Variants in CPQ observed in about 807,000 individuals in gnomAD.
The protein encoded by CPQ is Ser-Met dipeptidase.
Under a neutral mutation model 45.7 loss-of-function variants are expected in CPQ, and 37 were observed. The observed-to-expected ratio is 0.81, with a 90% CI of 0.62 to 1.07. The LOEUF is 1.07. Ranked by LOEUF, CPQ falls within the 50% of genes least tolerant of loss-of-function variation. CPQ has a pLI of 0.00. For synonymous variants in CPQ, 186 were observed against 205.8 expected, an observed-to-expected ratio of 0.90 and a Z score of 0.82; for missense variants, 537 against 572.9, an observed-to-expected ratio of 0.94 and a Z score of 0.64.
At chr8:96,905,741 A>T (rs1812567051) in intron 4 of CPQ, among the ~76,000 whole-genome samples, 1 of 151,252 alleles carries the variant, frequency 6.6e-6, no homozygotes, top group Admixed American at 6.6e-5. Flanking sequence ...TTTGAAAATA[A>T]ATTCAGCCCT....
At chr8:96,879,285 A>G (rs1812188970) in intron 3 of CPQ, among the ~76,000 whole-genome samples, 6 of 152,186 alleles carry the variant, frequency 3.9e-5, no homozygotes, top group Admixed American at 2.6e-4. Context: ...ATTGTTCTAC[A>G]CTTTTCCTGC....
chr8:97,089,953 G>A (rs1317476143), intron 7 of CPQ, among the ~76,000 whole-genome samples: 1 of 152,142 alleles, frequency 6.6e-6, no homozygotes, highest in Non-Finnish European at 1.5e-5. Context: ...GCTAAGAAGG[G>A]CATCTGGGAA....
chr8:96,994,069 A>T (rs903240213), intron 5 of CPQ, among the ~76,000 whole-genome samples: 1 of 152,100 alleles, frequency 6.6e-6, no homozygotes, highest in Non-Finnish European at 1.5e-5. Context: ...CCTTGGAGCT[A>T]TATGTTGAAA....
In CPQ at chr8:96,749,106, C is replaced by T. The variant is rs1008105918; in HGVS notation, c.-34-35758C>T. The stretch of plus-strand genomic sequence containing the variant: ...TTCTGTTTATCTCCTCTCTTCCTCT[C>T]TTGCCTCTATGGGTCCTGGCACAAA... On this transcript the variant is annotated intron_variant, in intron 1 of 7. Transcript: ENST00000220763. 8.5e-5 allele frequency among the ~76,000 whole-genome samples: 13 copies of T among 152,266 alleles called. No homozygotes were observed. In the South Asian group the frequency reaches 2.3e-3, roughly 27 times the overall value.
chr8:96,741,740 G>T (rs1265413474), intron 1 of CPQ, among the ~76,000 whole-genome samples: 1 of 151,898 alleles, frequency 6.6e-6, no homozygotes, highest in Non-Finnish European at 1.5e-5. Context: ...GTACCCAGTA[G>T]TCATTCAGGA....
chr8:97,140,860 A>G (rs962962611), intron 7 of CPQ, among the ~76,000 whole-genome samples: 6 of 152,032 alleles, frequency 3.9e-5, no homozygotes, highest in African/African-American at 1.2e-4. Flanking sequence ...GAGATAGACA[A>G]ATAGATCACT....
intron 3 of CPQ, among the ~76,000 whole-genome samples, chr8:96,857,926 G>A (rs1323431637): frequency 6.6e-6 from 1 of 152,154 alleles, no homozygotes; most frequent in South Asian, 2.1e-4. Context: ...AGTGAATGGG[G>A]CCCTGCAAAG....
At chr8:97,083,472 TG>T (rs1223540554) in intron 7 of CPQ, among the ~76,000 whole-genome samples, 3 of 152,206 alleles carry the variant, frequency 2.0e-5, no homozygotes, top group Admixed American at 2.0e-4. Flanking sequence ...GCTACTATAC[TG>T]GTTCAGTGTC....
intron 1 of CPQ, among the ~76,000 whole-genome samples, chr8:96,766,030 AG>A: frequency 6.6e-6 from 1 of 152,312 alleles, no homozygotes; most frequent in East Asian, 1.9e-4. Flanking sequence ...GCTTCCCAAA[AG>A]GTAAGAGTTA....
intron 1 of CPQ, among the ~76,000 whole-genome samples, chr8:96,752,174 C>T (rs1391999691): frequency 2.0e-5 from 3 of 151,894 alleles, no homozygotes; most frequent in East Asian, 1.9e-4. Flanking sequence ...TGAAGAATGT[C>T]GGTAGTTTAA....
chr8:96,972,856 C>T (rs1813702979), intron 5 of CPQ, among the ~76,000 whole-genome samples: 1 of 152,174 alleles, frequency 6.6e-6, no homozygotes, highest in South Asian at 2.1e-4. Flanking sequence ...ATCAAGGGAG[C>T]ATCCCGTGGG....
chr8:97,020,647 A>G (rs1253207262), intron 5 of CPQ, among the ~76,000 whole-genome samples: 1 of 152,204 alleles, frequency 6.6e-6, no homozygotes, highest in Admixed American at 6.5e-5. Context: ...ATTCCTGAAA[A>G]GATACAACCT....
chr8:96,725,485 G>T (rs187300285), intron 1 of CPQ, among the ~76,000 whole-genome samples: 4 of 152,110 alleles, frequency 2.6e-5, no homozygotes, highest in Non-Finnish European at 4.4e-5. Flanking sequence ...TGAAAGAAAT[G>T]CTCAACATCA....
chr8:96,922,002 T>C (rs1311327419), intron 4 of CPQ, among the ~76,000 whole-genome samples: 2 of 152,294 alleles, frequency 1.3e-5, no homozygotes, highest in African/African-American at 4.8e-5. Context: ...GTGTATTATA[T>C]TATTTCACCA....
At chr8:96,695,818 T>G (rs1391944093) in intron 1 of CPQ, among the ~76,000 whole-genome samples, 2 of 150,752 alleles carry the variant, frequency 1.3e-5, no homozygotes, top group African/African-American at 2.5e-5. Context: ...TGTGGAGAAA[T>G]AGGAACACTT....
At chr8:97,089,830 C>CATTGTAACAA (rs1351350218) in intron 7 of CPQ, among the ~76,000 whole-genome samples, 1 of 152,078 alleles carries the variant, frequency 6.6e-6, no homozygotes, top group Non-Finnish European at 1.5e-5. Flanking sequence ...TTAACAATCT[C>CATTGTAACAA]CTGTACAGCT....
intron 1 of CPQ, among the ~76,000 whole-genome samples, chr8:96,650,158 G>T (rs1211649819): frequency 7.2e-5 from 11 of 152,226 alleles, no homozygotes; most frequent in African/African-American, 2.7e-4. Context: ...AGACAAACAG[G>T]TGTGGGTGCT....
intron 4 of CPQ, among the ~76,000 whole-genome samples, chr8:96,896,259 C>A (rs1231503940): frequency 6.6e-6 from 1 of 152,170 alleles, no homozygotes; most frequent in Non-Finnish European, 1.5e-5. Context: ...CTCTATATTA[C>A]TATGCCCCTA....
rs138920751 is a variant in CPQ, at chr8:96,882,099, A to G, written c.849+2094A>G. 4.4e-4 allele frequency among the ~76,000 whole-genome samples: 67 copies of G among 152,308 alleles called. No homozygotes were observed. In the East Asian group the frequency reaches 0.01, roughly 23 times the overall value. Reference sequence around the variant, plus strand: ...TCCCAGACTAAGGACTGGGAGACTCAGGACTCAGGACTTCTCCCAGACTTG... The same window carrying G: ...TCCCAGACTAAGGACTGGGAGACTCGGGACTCAGGACTTCTCCCAGACTTG... On this transcript the variant is annotated intron_variant, in intron 4 of 7. Transcript: ENST00000220763.
Sources: gnomAD v4.1 joint callset for allele counts (sites outside exome capture counted in the v4.1 genomes callset) on GRCh38, gnomAD v4.1.1 for gene constraint, MANE v1.5 for transcripts, NCBI Gene and HGNC (gene_info 2026-07-23, HGNC 2026-07-21) for gene names.